ADGRV1: variants seen among roughly 807,000 people sequenced by gnomAD.
The protein encoded by ADGRV1 is G-protein coupled receptor 98.
ADGRV1 carries 359 observed loss-of-function variants against 596.2 expected under a neutral mutation model. The observed-to-expected ratio is 0.60, with a 90% CI of 0.55 to 0.66. The LOEUF (loss-of-function observed/expected upper bound fraction) is 0.66, where lower values mean the gene tolerates loss of function less well. Ranked by LOEUF, ADGRV1 falls within the 30% of genes least tolerant of loss-of-function variation. The pLI is 0.00. For synonymous variants in ADGRV1, 2,681 were observed against 2,679.2 expected, an observed-to-expected ratio of 1.00 and a Z score of -0.02; for missense variants, 7,274 against 7,575.6, an observed-to-expected ratio of 0.96 and a Z score of 1.48.
chr5:90,599,422 T>G (rs1761126159), intron 1 of ADGRV1, among the ~76,000 whole-genome samples: 1 of 152,228 alleles, frequency 6.6e-6, no homozygotes, highest in Admixed American at 6.5e-5. Context: ...ATTAACATTT[T>G]TATCACTAAA....
intron 83 of ADGRV1, among the ~76,000 whole-genome samples, chr5:90,903,254 C>G (rs553589756): frequency 6.6e-6 from 1 of 151,984 alleles, no homozygotes; most frequent in Admixed American, 6.6e-5. Context: ...TAATAACATT[C>G]TTCCGGTATT....
chr5:91,134,245 T>TG (rs896820726), intron 87 of ADGRV1, among the ~76,000 whole-genome samples: 1 of 151,984 alleles, frequency 6.6e-6, no homozygotes, highest in African/African-American at 2.4e-5. Flanking sequence ...TGGAGTGCAG[T>TG]GGCCTGATCA....
At chr5:90,826,727 CA>C (rs1764109946) in intron 76 of ADGRV1, among the ~76,000 whole-genome samples, 1 of 152,170 alleles carries the variant, frequency 6.6e-6, no homozygotes, top group Non-Finnish European at 1.5e-5. Context: ...GCAGACACAA[CA>C]AATGCATCCA....
intron 17 of ADGRV1, among the ~76,000 whole-genome samples, chr5:90,651,101 T>C (rs899208522): frequency 2.6e-5 from 4 of 152,190 alleles, no homozygotes; most frequent in African/African-American, 9.7e-5. Context: ...GATCAAACTT[T>C]GCTGCCTGAA....
intron 83 of ADGRV1, among the ~76,000 whole-genome samples, chr5:90,937,427 A>G (rs928003009): frequency 1.5e-5 from 2 of 135,420 alleles, no homozygotes; most frequent in Non-Finnish European, 3.2e-5. Flanking sequence ...TATCCCATTT[A>G]TTGTATCTTT....
chr5:90,966,265 A>G (rs1023667802), intron 84 of ADGRV1, among the ~76,000 whole-genome samples: 2 of 152,106 alleles, frequency 1.3e-5, no homozygotes, highest in African/African-American at 4.8e-5. Flanking sequence ...ACATTTAGAA[A>G]TGCACTGGGA....
chr5:91,093,734 A>T (rs1320597886), intron 86 of ADGRV1, among the ~76,000 whole-genome samples: 4 of 152,124 alleles, frequency 2.6e-5, no homozygotes, highest in African/African-American at 7.2e-5. Flanking sequence ...ATCTTTTATG[A>T]TATGGGAGGC....
At chr5:91,099,771 G>C (rs1343154141) in intron 86 of ADGRV1, among the ~76,000 whole-genome samples, 1 of 152,160 alleles carries the variant, frequency 6.6e-6, no homozygotes, top group African/African-American at 2.4e-5. Flanking sequence ...GAGAAAACTG[G>C]AATTAACCCC....
chr5:90,904,136 C>T (rs1178694277), intron 83 of ADGRV1, among the ~76,000 whole-genome samples: 1 of 152,000 alleles, frequency 6.6e-6, no homozygotes, highest in Non-Finnish European at 1.5e-5. Flanking sequence ...TGTATGTGTA[C>T]CACATTTTCT....
At chr5:90,636,090 C>A (rs960380005) in intron 10 of ADGRV1, among the ~76,000 whole-genome samples, 2 of 151,942 alleles carry the variant, frequency 1.3e-5, no homozygotes, top group Non-Finnish European at 2.9e-5. Context: ...TTTATATATA[C>A]AATATATGTA....
chr5:90,701,430 AC>A (rs1394742310), intron 34 of ADGRV1, among the ~76,000 whole-genome samples: 1 of 152,020 alleles, frequency 6.6e-6, no homozygotes, highest in Non-Finnish European at 1.5e-5. Context: ...CAATAAAGAG[AC>A]AGAATAAATA....
chr5:90,603,879 TGTGTGTACGTGCCTGCAC>T (rs1761736916), intron 1 of ADGRV1, among the ~76,000 whole-genome samples: 1 of 128,864 alleles, frequency 7.8e-6, no homozygotes, highest in Non-Finnish European at 1.7e-5. Flanking sequence ...AGCGTGCATG[TGTGTGTACGTGCCTGCAC>T]ACACGTGTGT....
At position 90,643,935 on chromosome 5, in the gene ADGRV1, G is replaced by A. The variant is rs758482276; in HGVS notation, c.2686G>A (p.Gly896Ser). The change falls in exon 14 of 90, where the codon GGT becomes AGT. Residue 896 changes from glycine (G) to serine (S), a missense_variant. By Grantham distance (56) the Gly-to-Ser change is moderately conservative. This residue lies in a region of ADGRV1 where 1,715 missense variants were observed against 1,708.8 expected (regional missense o/e 1.00). Transcript: ENST00000405460. ...TGGCATTATAGAATTTGTTTCTGAT[G>A]GTCTAATTGTGATGATAAATGAAAG... is the stretch of plus-strand genomic sequence containing the variant. ...PHGIIEFVSD[G>S]LIVMINESKG... The A allele has an allele frequency of 1.4e-5, 23 of 1,611,696 alleles. No individual in the cohort carries two copies. The highest frequency in any genetic ancestry group is 5.0e-5 in the Admixed American group (3 of 59,848).
intron 9 of ADGRV1, 79 bp from the exon 10 acceptor site, chr5:90,635,035 C>A: frequency 2.4e-6 from 2 of 834,420 alleles, no homozygotes; most frequent in South Asian, 1.7e-5. Context: ...CTTACTTTGT[C>A]ACCCCATGCT....
At chr5:90,566,105 A>T (rs1288842210) in intron 1 of ADGRV1, among the ~76,000 whole-genome samples, 3 of 151,740 alleles carry the variant, frequency 2.0e-5, no homozygotes, top group African/African-American at 7.3e-5. Context: ...ATTTTTTTTC[A>T]TTGTGTGGGT....
intron 87 of ADGRV1, among the ~76,000 whole-genome samples, chr5:91,133,666 G>T (rs1794396070): frequency 6.6e-6 from 1 of 152,162 alleles, no homozygotes; most frequent in Non-Finnish European, 1.5e-5. Flanking sequence ...ATAGTGTGTG[G>T]CACATACATA....
chr5:91,044,888 G>A (rs1199663017), intron 85 of ADGRV1, among the ~76,000 whole-genome samples: 1 of 152,112 alleles, frequency 6.6e-6, no homozygotes, highest in Non-Finnish European at 1.5e-5. Context: ...CAAAAAACCT[G>A]TAAGAAATCA....
At chr5:90,725,410 T>C in intron 47 of ADGRV1, 139 bp from the exon 48 acceptor site, 1 of 685,640 alleles carries the variant, frequency 1.5e-6, no homozygotes, top group Non-Finnish European at 2.4e-6. Context: ...CTTTTTAAAA[T>C]GACACTTAGT....
At chr5:90,821,314 C>A (rs1245794402) in intron 75 of ADGRV1, among the ~76,000 whole-genome samples, 10 of 151,330 alleles carry the variant, frequency 6.6e-5, no homozygotes, top group Admixed American at 6.6e-5. Flanking sequence ...GTTGTACATT[C>A]TTCTAAATTT....
Sources: gnomAD v4.1 joint callset for allele counts (sites outside exome capture counted in the v4.1 genomes callset) on GRCh38, gnomAD v4.1.1 for gene constraint, gnomAD v4.1.1 regional missense constraint, MANE v1.5 for transcripts, NCBI Gene and HGNC (gene_info 2026-07-23, HGNC 2026-07-21) for gene names.